DLST: variants seen among roughly 807,000 people sequenced by gnomAD.
DLST encodes the protein dihydrolipoyllysine-residue succinyltransferase component of 2-oxoglutarate dehydrogenase complex, mitochondrial.
A neutral mutation model predicts 53.1 loss-of-function variants in DLST; 17 were observed. The ratio of observed to expected loss-of-function variants is 0.32; its 90% CI spans 0.22 to 0.48. The LOEUF (loss-of-function observed/expected upper bound fraction) is 0.48, where lower values mean the gene tolerates loss of function less well. DLST is among the 20% of genes least tolerant of loss of function. The pLI is 0.99. For missense variants in DLST, 512 were observed against 583.9 expected, an observed-to-expected ratio of 0.88 and a Z score of 1.27; for synonymous variants, 206 against 204.8, an observed-to-expected ratio of 1.01 and a Z score of -0.05.
chr14:74,901,255 G>A lies in DLST; in HGVS notation c.1227+22G>A, dbSNP rs534658301. 3 of 1,598,690 alleles carry A rather than the reference G, an allele frequency of 1.9e-6. No individual in the cohort carries two copies. The South Asian group carries it at 3.4e-5, about 18-fold the overall frequency. On this transcript the variant is annotated intron_variant, in intron 14 of 14. Transcript: ENST00000334220. ...CAAGGTAGGAACCGTCACTTCTAAG[G>A]TCCTAGTGGCTAGGTCTCGATGAAA...
chr14:74,892,118 C>G (rs572310634), intron 7 of DLST: 1 of 153,506 alleles, frequency 6.5e-6, no homozygotes, highest in African/African-American at 2.4e-5. Flanking sequence ...GAGTTTCACT[C>G]TGTCGCCAGG....
intron 10 of DLST, among the ~76,000 whole-genome samples, chr14:74,895,274 A>G (rs1213713566): frequency 6.6e-6 from 1 of 152,240 alleles, no homozygotes; most frequent in Non-Finnish European, 1.5e-5. Flanking sequence ...GTGTTTTTAA[A>G]TAACCTTAGA....
intron 6 of DLST, among the ~76,000 whole-genome samples, chr14:74,890,280 A>G (rs1883860299): frequency 6.6e-6 from 1 of 152,034 alleles, no homozygotes; most frequent in Non-Finnish European, 1.5e-5. Context: ...GGCGCATGCC[A>G]CAACGCCGGG....
intron 3 of DLST, among the ~76,000 whole-genome samples, chr14:74,886,323 G>A (rs560569852): frequency 3.9e-5 from 6 of 152,286 alleles, no homozygotes; most frequent in African/African-American, 1.2e-4. Context: ...ATCACAATGA[G>A]GGTTTTTGTT....
Position 74,898,398 on chromosome 14 carries a change from A to G in DLST, c.800A>G (p.Lys267Arg). 2.5e-6 allele frequency: 4 copies of G among 1,612,940 alleles called. No individual in the cohort carries two copies. The South Asian group carries it at 4.4e-5, about 18-fold the overall frequency. The change falls in exon 11 of 15, where the codon AAA (lysine) becomes AGA (arginine). Residue 267 changes from lysine to arginine, a missense_variant. Lys to Arg is a conservative substitution (Grantham distance 26). Coordinates refer to ENST00000334220, the MANE Select transcript of DLST (RefSeq NM_001933.5). ...SNIQEMRARH[K>R]EAFLKKHNLK... ...ATCCAGGAGATGAGGGCTCGGCACA[A>G]AGAGGCTTTTTTGAAGAAACATAAC...
At position 74,902,310 on chromosome 14, in the gene DLST, G is replaced by C; in HGVS notation, c.1342G>C (p.Val448Leu). ...KIKAAVEDPR[V>L]LLLDL Reference sequence around the variant, plus strand: ...CAAGGCAGCGGTAGAGGATCCCAGAGTCCTCCTCCTGGATCTTTAGGAGGA... The same window carrying C: ...CAAGGCAGCGGTAGAGGATCCCAGACTCCTCCTCCTGGATCTTTAGGAGGA... The change falls in exon 15 of 15, where the codon GTC (valine) becomes CTC (leucine). Residue 448 changes from valine to leucine, a missense_variant. Physicochemically the swap from Val to Leu is conservative, Grantham distance 32. This residue lies in a region of DLST where 186 missense variants were observed against 260.4 expected (regional missense o/e 0.71). Coordinates refer to ENST00000334220, the MANE Select transcript of DLST (RefSeq NM_001933.5). 1 of 1,612,186 alleles carries C rather than the reference G, an allele frequency of 6.2e-7. No individual in the cohort carries two copies. Among genetic ancestry groups the C allele is most frequent in the Non-Finnish European group, 8.5e-7 (1 of 1,179,330 alleles).
At chr14:74,900,203 G>A in intron 12 of DLST, 86 bp from the exon 13 acceptor site, 5 of 1,265,508 alleles carry the variant, frequency 4.0e-6, no homozygotes, top group South Asian at 2.4e-5. Flanking sequence ...TCTAGGGAGG[G>A]CATACCATGG....
At chr14:74,898,684 C>T (rs10136839) in intron 11 of DLST, among the ~76,000 whole-genome samples, 185 bp downstream of exon 11, 20,700 of 152,280 alleles carry the variant, frequency 0.14, 2,103 homozygotes, top group African/African-American at 0.29. Flanking sequence ...ACTTTCTACC[C>T]GCCAGCTGGG....
intron 2 of DLST, 98 bp from the exon 3 acceptor site, chr14:74,885,488 C>G (rs1034961234): frequency 2.1e-5 from 25 of 1,210,690 alleles, no homozygotes; most frequent in Non-Finnish European, 2.8e-5. Context: ...TGATCCTGCT[C>G]TGTCTCAGGG....
chr14:74,882,657 T>A, intron 2 of DLST, 33 bp downstream of exon 2: 1 of 1,610,624 alleles, frequency 6.2e-7, no homozygotes, highest in Non-Finnish European at 8.5e-7. Flanking sequence ...CCTAAAATGC[T>A]CTCCTCCTGG....
intron 8 of DLST, 24 bp downstream of exon 8, chr14:74,893,010 C>G (rs868527864): frequency 1.9e-6 from 3 of 1,603,586 alleles, no homozygotes; most frequent in Non-Finnish European, 2.6e-6. Flanking sequence ...TCCCACATGT[C>G]ATGTGGGAGA....
chr14:74,902,084 A>G (rs996002938), intron 14 of DLST, 112 bp from the exon 15 acceptor site: 2 of 1,185,810 alleles, frequency 1.7e-6, no homozygotes, highest in African/African-American at 1.5e-5. Flanking sequence ...AGGCAACATC[A>G]ATAGGAAAGG....
rs750239748 is a variant in DLST at position 74,902,197 on chromosome 14, T to C, written c.1229T>C (p.Val410Ala). ...CCTATTTACCTTTCCTCTCTGTAGG[T>C]AGAGGTGCGGCCCATGATGTACGTG... ...FDRPVAIGGK[V>A]EVRPMMYVAL... Residue 410 changes from valine to alanine, a missense_variant and splice_region_variant, in exon 15 of 15, where the codon GTA (valine) becomes GCA (alanine). Val to Ala is a moderately conservative substitution (Grantham distance 64). Around this residue, in one of 4 missense-constraint regions of DLST, gnomAD observed 186 missense variants for 260.4 expected, o/e 0.71. Transcript: ENST00000334220. 22 of 1,584,096 alleles carry C rather than the reference T, an allele frequency of 1.4e-5. No individual in the cohort carries two copies. The highest frequency in any genetic ancestry group is 1.2e-4 in the Admixed American group (7 of 56,756).
intron 6 of DLST, among the ~76,000 whole-genome samples, chr14:74,890,812 G>A (rs941698592): frequency 2.0e-5 from 3 of 151,958 alleles, no homozygotes; most frequent in South Asian, 4.2e-4. Context: ...AGCGATTCTC[G>A]TGCCTCAGCC....
intron 2 of DLST, among the ~76,000 whole-genome samples, chr14:74,884,156 G>T (rs1448599018): frequency 6.6e-6 from 1 of 152,190 alleles, no homozygotes; most frequent in Non-Finnish European, 1.5e-5. Flanking sequence ...TTGTGCAAAG[G>T]TTTTCAGACA....
chr14:74,888,942 T>G (rs1378578947), intron 3 of DLST, 153 bp from the exon 4 acceptor site: 4 of 728,996 alleles, frequency 5.5e-6, no homozygotes, highest in Non-Finnish European at 9.4e-6. Flanking sequence ...CCTAGACAAG[T>G]GAACTTTGAA....
chr14:74,892,068 CCTAAGT>C (rs1391220108), intron 7 of DLST: 1 of 161,766 alleles, frequency 6.2e-6, no homozygotes, highest in East Asian at 1.9e-4. Context: ...CTTTCTTAAG[CCTAAGT>C]CAACCCTCGA....
Position 74,902,390 on chromosome 14 carries a change from G to A in DLST, c.*60G>A. On this transcript the variant is annotated 3_prime_UTR_variant, in exon 15 of 15. Transcript: ENST00000334220. Reference sequence around the variant, plus strand: ...GGAACTGAAAACCAGTCTTCTCCCTGTCCCCTCATGGGTCCCGGGTTAGCC... The same window carrying A: ...GGAACTGAAAACCAGTCTTCTCCCTATCCCCTCATGGGTCCCGGGTTAGCC... 1 of 1,532,230 alleles carries A rather than the reference G, an allele frequency of 6.5e-7. No individual in the cohort carries two copies. The highest frequency in any genetic ancestry group is 8.8e-7 in the Non-Finnish European group (1 of 1,130,028). The allele number at this position is 1,532,230 out of a possible 1,614,324, so 94.9% of individuals were successfully genotyped here. A position where few individuals can be genotyped will look rare whatever the true frequency, so the allele number is the denominator to read the frequency against.
At chr14:74,883,294 C>CA (rs35879783) in intron 2 of DLST, among the ~76,000 whole-genome samples, 13,212 of 66,704 alleles carry the variant, frequency 0.2, 1,221 homozygotes, top group African/African-American at 0.3. Context: ...GACTCCATCT[C>CA]AAAAAAAAAA....
Sources: gnomAD v4.1 joint callset for allele counts (sites outside exome capture counted in the v4.1 genomes callset) on GRCh38, gnomAD v4.1.1 for gene constraint, gnomAD v4.1.1 regional missense constraint, MANE v1.5 for transcripts, NCBI Gene and HGNC (gene_info 2026-07-23, HGNC 2026-07-21) for gene names.